Variants in ZNF654 observed in about 807,000 individuals in gnomAD.
ZNF654 encodes the protein melanoma-associated antigen.
Under a neutral mutation model 95.3 loss-of-function variants are expected in ZNF654, and 19 were observed. The observed-to-expected ratio is 0.20, with a 90% CI of 0.14 to 0.29. ZNF654 has a LOEUF of 0.29. ZNF654 is among the 10% of genes least tolerant of loss of function. The pLI, the probability that ZNF654 is intolerant of heterozygous loss-of-function variation, is 1.00. For synonymous variants in ZNF654, 413 were observed against 457.9 expected (o/e 0.90, Z 1.25); for missense variants, 1,046 against 1,341.0 (o/e 0.78, Z 3.44).
At chr3:88,095,760 A>G (rs902957619) in intron 2 of ZNF654, 3 of 398,976 alleles carry the variant, frequency 7.5e-6, no homozygotes, top group Non-Finnish European at 1.4e-5. Flanking sequence ...CTCCTTCATC[A>G]TCTTAAACTT....
At chr3:88,069,380 C>T (rs558181173) in intron 1 of ZNF654, among the ~76,000 whole-genome samples, 1 of 152,280 alleles carries the variant, frequency 6.6e-6, no homozygotes, top group South Asian at 2.1e-4. Context: ...CTAGATGGCG[C>T]CGCTGCACTT....
chr3:88,080,247 A>G (rs1331191551), intron 1 of ZNF654, among the ~76,000 whole-genome samples: 4 of 152,104 alleles, frequency 2.6e-5, no homozygotes, highest in Non-Finnish European at 4.4e-5. Context: ...AAAAGTGAGT[A>G]AAATTTGTTG....
At chr3:88,082,736 A>G (rs937846323) in intron 1 of ZNF654, among the ~76,000 whole-genome samples, 7 of 152,210 alleles carry the variant, frequency 4.6e-5, no homozygotes, top group African/African-American at 1.2e-4. Context: ...GGAGAGCTCA[A>G]TTAAGAAACA....
intron 1 of ZNF654, among the ~76,000 whole-genome samples, chr3:88,086,017 T>C (rs549789901): frequency 1.3e-5 from 2 of 152,338 alleles, no homozygotes; most frequent in East Asian, 3.9e-4. Flanking sequence ...TGGTAAAACA[T>C]TGGTAGTTGA....
rs1289338317 is a variant in ZNF654, at chr3:88,128,950, T to A, written c.692T>A (p.Phe231Tyr). 2.6e-6 allele frequency: 4 copies of A among 1,535,520 alleles called. No homozygotes were observed. Among genetic ancestry groups the A allele is most frequent in the Non-Finnish European group, 3.5e-6 (4 of 1,146,548 alleles). The change falls in exon 5 of 9, where the codon TTC (phenylalanine) becomes TAC (tyrosine). Residue 231 changes from phenylalanine (F) to tyrosine (Y), a missense_variant. By Grantham distance (22) the Phe-to-Tyr change is conservative. Around this residue, in one of 9 missense-constraint regions of ZNF654, gnomAD observed 121 missense variants for 141.7 expected, o/e 0.85. Transcript: ENST00000636215. ...NHPEISKDLY[F>Y]HQALFTCLFM... ...CCAGAAATCAGTAAAGACTTATACT[T>A]CCATCAAGCACTCTTCACATGTCTG...
intron 2 of ZNF654, among the ~76,000 whole-genome samples, chr3:88,094,606 A>C (rs1703947418): frequency 6.6e-6 from 1 of 152,144 alleles, no homozygotes; most frequent in African/African-American, 2.4e-5. Flanking sequence ...GATATACAAA[A>C]ATTAGAGCAA....
rs528821183 is a variant in ZNF654, at chr3:88,098,680, C to T, written c.332+12278C>T. On this transcript the variant is annotated intron_variant, in intron 2 of 8. Coordinates refer to ENST00000636215, the MANE Select transcript of ZNF654 (RefSeq NM_001350134.2). ...TGGGATGCAAGGCTGGTTCAACATA[C>T]GAAAATCAATAAACGTAATCCAGCA... Among the ~76,000 whole-genome samples the T allele has an allele frequency of 1.0e-3, 157 of 152,154 alleles. 1 individual carries two copies. Among genetic ancestry groups the T allele is most frequent in the Middle Eastern group, 6.8e-3 (2 of 294 alleles).
chr3:88,066,020 T>C (rs1423514574), intron 1 of ZNF654, among the ~76,000 whole-genome samples: 1 of 152,240 alleles, frequency 6.6e-6, no homozygotes, highest in Non-Finnish European at 1.5e-5. Context: ...AGGCATGAGC[T>C]ACCGCGCCTA....
chr3:88,123,030 AAAAG>A (rs1705872996), intron 3 of ZNF654, among the ~76,000 whole-genome samples: 1 of 151,684 alleles, frequency 6.6e-6, no homozygotes, highest in African/African-American at 2.4e-5. Context: ...AAAAAAAGTA[AAAAG>A]AAAAAAAGAA....
intron 1 of ZNF654, among the ~76,000 whole-genome samples, chr3:88,077,494 G>T (rs1360955909): frequency 1.2e-5 from 1 of 86,846 alleles, no homozygotes; most frequent in Non-Finnish European, 2.7e-5. Flanking sequence ...CACCACGCCC[G>T]GCTAATTTTT....
In ZNF654 at chr3:88,139,988, C is replaced by A. The variant is rs750447030; in HGVS notation, c.2319C>A (p.Thr773=). The change falls in exon 8 of 9, where the codon ACC becomes ACA. Residue 773 remains threonine (T), a synonymous_variant. Transcript: ENST00000636215. ...LNKHAMTVHP[T]DLNVRQTVMK... ...AACATGCAATGACCGTACATCCAAC[C>A]GATTTAAATGTGCGACAAACAGTAA... The A allele has an allele frequency of 1.9e-6, 3 of 1,613,640 alleles. No individual in the cohort carries two copies. Among genetic ancestry groups the A allele is most frequent in the Non-Finnish European group, 2.5e-6 (3 of 1,179,780 alleles).
intron 6 of ZNF654, 85 bp from the exon 7 acceptor site, chr3:88,134,976 G>A: frequency 1.0e-6 from 1 of 960,888 alleles, no homozygotes; most frequent in Non-Finnish European, 1.4e-6. Flanking sequence ...CCCAGCCAGG[G>A]CACTATAGAA....
intron 3 of ZNF654, among the ~76,000 whole-genome samples, chr3:88,123,869 C>T (rs143593175): frequency 1.3e-5 from 2 of 152,274 alleles, no homozygotes; most frequent in African/African-American, 2.4e-5. Context: ...TCGGGGCAGT[C>T]ATCTGTATGT....
chr3:88,110,668 C>A (rs571488998), intron 2 of ZNF654, among the ~76,000 whole-genome samples: 1 of 152,158 alleles, frequency 6.6e-6, no homozygotes, highest in South Asian at 2.1e-4. Flanking sequence ...ATTCTGCACC[C>A]TACAGAGTTT....
At chr3:88,132,748 CT>C (rs1314320617) in intron 6 of ZNF654, among the ~76,000 whole-genome samples, 5 of 152,196 alleles carry the variant, frequency 3.3e-5, no homozygotes, top group Non-Finnish European at 5.9e-5. Flanking sequence ...AATTATCTCT[CT>C]TAATTCTTTT....
At chr3:88,093,424 T>C (rs564183517) in intron 2 of ZNF654, among the ~76,000 whole-genome samples, 27 of 152,306 alleles carry the variant, frequency 1.8e-4, no homozygotes, top group African/African-American at 6.3e-4. Context: ...AGGTGAGTTA[T>C]GGGACAGCAG....
intron 1 of ZNF654, among the ~76,000 whole-genome samples, chr3:88,062,454 A>C (rs1706938121): frequency 6.6e-6 from 1 of 152,208 alleles, no homozygotes; most frequent in Admixed American, 6.5e-5. Flanking sequence ...TATGGATGAA[A>C]AGTTTAGAAA....
intron 2 of ZNF654, among the ~76,000 whole-genome samples, chr3:88,112,532 AC>A (rs11293889): frequency 0.78 from 118,822 of 151,740 alleles, 47,441 homozygotes; most frequent in South Asian, 0.91. Context: ...AGGAGGAACT[AC>A]AGAATTTGAG....
At chr3:88,129,067 C>G (rs1210196710) in intron 5 of ZNF654, 56 bp downstream of exon 5, 2 of 1,036,560 alleles carry the variant, frequency 1.9e-6, no homozygotes, top group East Asian at 3.5e-5. Flanking sequence ...AAAAAAAAAC[C>G]AAAAAAAAAA....
Sources: gnomAD v4.1 joint callset for allele counts (sites outside exome capture counted in the v4.1 genomes callset) on GRCh38, gnomAD v4.1.1 for gene constraint, gnomAD v4.1.1 regional missense constraint, MANE v1.5 for transcripts, NCBI Gene and HGNC (gene_info 2026-07-23, HGNC 2026-07-21) for gene names.